Variants in TNRC18 observed in about 807,000 individuals in gnomAD.
TNRC18 encodes trinucleotide repeat-containing gene 18 protein.
Under a neutral mutation model 226.7 loss-of-function variants are expected in TNRC18, and 69 were observed. The ratio of observed to expected loss-of-function variants is 0.30; its 90% CI spans 0.25 to 0.37. The LOEUF (loss-of-function observed/expected upper bound fraction) is 0.37, where lower values mean the gene tolerates loss of function less well. Ranked by LOEUF, TNRC18 falls within the 10% of genes least tolerant of loss-of-function variation. TNRC18 has a pLI of 1.00. For synonymous variants in TNRC18, 2,449 were observed against 1,927.6 expected (o/e 1.27, Z -7.09); for missense variants, 4,754 against 4,256.6 (o/e 1.12, Z -3.25).
rs765430615 is a variant in TNRC18 at position 5,383,957 on chromosome 7, ATTTTTTTTTTT to A, written c.2152+3704_2152+3714del. 7.2e-3 allele frequency among the ~76,000 whole-genome samples: 565 copies of A among 78,826 alleles called. 7 individuals carry two copies. The highest frequency in any genetic ancestry group is 0.029 in the African/African-American group (544 of 18,872). 51.7% of individuals were successfully genotyped at this position (78,826 alleles called of 152,430 possible). A position where few individuals can be genotyped will look rare whatever the true frequency, so the allele number is the denominator to read the frequency against. On this transcript the variant is annotated intron_variant, in intron 5 of 29. Transcript: ENST00000430969. ...ACAGGCACACCAGCATACCCGGGTG[ATTTTTTTTTTT>A]TTTTTTTTTTTTTTGAGATAGAGTT...
intron 19 of TNRC18, among the ~76,000 whole-genome samples, chr7:5,330,817 G>A (rs545204856): frequency 1.3e-5 from 2 of 152,214 alleles, no homozygotes; most frequent in East Asian, 3.9e-4. Context: ...GGGATTACAG[G>A]CACCCGCCAC....
chr7:5,333,092 A>AC lies in TNRC18; in HGVS notation c.5720-44dup, dbSNP rs765216459. 8 of 1,533,772 alleles carry AC rather than the reference A, an allele frequency of 5.2e-6. No homozygotes were observed. In the South Asian group the frequency reaches 9.5e-5, roughly 18 times the overall value. On this transcript the variant is annotated intron_variant, in intron 18 of 29. Coordinates refer to ENST00000430969, the MANE Select transcript of TNRC18 (RefSeq NM_001080495.3). ...GCGTGCTGGTCACAGCCTCGTGGGGACCCCTTCCCTCCCACCCAGCCACAT... is the reference window on the plus strand; with the variant it reads ...GCGTGCTGGTCACAGCCTCGTGGGGACCCCCTTCCCTCCCACCCAGCCACAT...
chr7:5,332,804 T>C lies in TNRC18; in HGVS notation c.5965A>G (p.Ser1989Gly). Residue 1989 changes from serine (S) to glycine (G), a missense_variant, in exon 19 of 30, where the codon AGC becomes GGC. Physicochemically the swap from Ser to Gly is moderately conservative, Grantham distance 56 (BLOSUM62 0). Coordinates refer to ENST00000430969, the MANE Select transcript of TNRC18 (RefSeq NM_001080495.3). The stretch of plus-strand genomic sequence containing the variant: ...CGCCGCGTCCACAGGTCGTCGTCGC[T>C]GGCCTCGGGCCCCGCCTCGAAGCCA... ...EPGFEAGPEA[S>G]DDDLWTRRRS... The C allele has an allele frequency of 1.3e-6, 2 of 1,511,502 alleles. No individual in the cohort carries two copies. The highest frequency in any genetic ancestry group is 2.4e-5 in the South Asian group (2 of 81,656). The allele number at this position is 1,511,502 out of a possible 1,614,324, so 93.6% of individuals were successfully genotyped here.
chr7:5,320,049 G>T (rs6943227), intron 24 of TNRC18: 286,611 of 392,578 alleles, frequency 0.73, 105,606 homozygotes, highest in East Asian at 0.85. Flanking sequence ...AATGATAAGA[G>T]TTCTTAAGAT....
intron 18 of TNRC18, among the ~76,000 whole-genome samples, chr7:5,335,508 G>A (rs1050691862): frequency 7.9e-5 from 12 of 150,962 alleles, no homozygotes; most frequent in Non-Finnish European, 1.8e-4. Context: ...TCAAGAGGCT[G>A]AGGCAGGAAA....
intron 5 of TNRC18, among the ~76,000 whole-genome samples, chr7:5,381,435 A>C (rs1266281374): frequency 6.6e-6 from 1 of 151,928 alleles, no homozygotes; most frequent in Non-Finnish European, 1.5e-5. Flanking sequence ...GACCTCCACC[A>C]TCAGAGCTCA....
At chr7:5,412,841 G>C (rs1168045599) in intron 2 of TNRC18, among the ~76,000 whole-genome samples, 2 of 152,174 alleles carry the variant, frequency 1.3e-5, no homozygotes, top group Non-Finnish European at 2.9e-5. Context: ...CAAATGGTTG[G>C]TGAAGATGTG....
Position 5,388,840 on chromosome 7 carries a change from C to T in TNRC18, c.984G>A (p.Pro328=), listed in dbSNP as rs760464582. The part of the protein sequence containing the change: ...LRRTETLLPG[P]RPCPSPLPPP... ...GGGGCAGCGGTGAGGGGCAGGGGCG[C>T]GGCCCAGGGAGCAGGGTCTCCGTGC... The change falls in exon 5 of 30, where the codon CCG becomes CCA. Residue 328 remains proline (P), a synonymous_variant. Coordinates refer to ENST00000430969, the MANE Select transcript of TNRC18 (RefSeq NM_001080495.3). 1.6e-3 allele frequency: 1,935 copies of T among 1,216,830 alleles called. 14 individuals are homozygous for T. Among genetic ancestry groups the T allele is most frequent in the Admixed American group, 2.7e-3 (57 of 21,102 alleles). 75.4% of individuals were successfully genotyped at this position (1,216,830 alleles called of 1,614,324 possible). A position where few individuals can be genotyped will look rare whatever the true frequency, so the allele number is the denominator to read the frequency against.
At position 5,309,445 on chromosome 7, in the gene TNRC18, T is replaced by G; in HGVS notation, c.8389-77A>C. 7.6e-7 allele frequency: 1 copy of G among 1,321,980 alleles called. No individual in the cohort carries two copies. Among genetic ancestry groups the G allele is most frequent in the South Asian group, 1.4e-5 (1 of 71,652 alleles). 81.9% of individuals were successfully genotyped at this position (1,321,980 alleles called of 1,614,324 possible). A position where few individuals can be genotyped will look rare whatever the true frequency, so the allele number is the denominator to read the frequency against. On this transcript the variant is annotated intron_variant, in intron 27 of 29. Coordinates refer to ENST00000430969, the MANE Select transcript of TNRC18 (RefSeq NM_001080495.3). This position sits in a 1 kb window ranked among gnomAD's most constrained non-coding sequence, Gnocchi z 5.7. The stretch of plus-strand genomic sequence containing the variant: ...CCGCCGCCTGGCAGGCTCTGCCGCT[T>G]GGGACTCTGGGCCCTCGGCCTCTAA...
chr7:5,418,412 G>A (rs1407771151), intron 2 of TNRC18, among the ~76,000 whole-genome samples: 1 of 152,136 alleles, frequency 6.6e-6, no homozygotes, highest in Non-Finnish European at 1.5e-5. Context: ...TCTTCCAGAG[G>A]ACCTTCCACA....
At chr7:5,361,222 C>T (rs1017326251) in intron 14 of TNRC18, among the ~76,000 whole-genome samples, 7 of 152,194 alleles carry the variant, frequency 4.6e-5, no homozygotes, top group African/African-American at 1.2e-4. Flanking sequence ...GAGCGACAGC[C>T]GGGTCATAGC....
At chr7:5,329,379 A>G (rs1247894411) in intron 19 of TNRC18, among the ~76,000 whole-genome samples, 1 of 151,708 alleles carries the variant, frequency 6.6e-6, no homozygotes, top group African/African-American at 2.4e-5. Flanking sequence ...CACAGACTGA[A>G]CTAAGTCTGA....
Position 5,355,622 on chromosome 7 carries a change from A to C in TNRC18, c.5194+1294T>G, listed in dbSNP as rs140773076. On this transcript the variant is annotated intron_variant, in intron 16 of 29. Coordinates refer to ENST00000430969, the MANE Select transcript of TNRC18 (RefSeq NM_001080495.3). ...ATAAATTAGCTGCACGTGGTGGTAC[A>C]CAGCTGTAGTCCCAGATACTCAGGA... 2.8e-3 allele frequency among the ~76,000 whole-genome samples: 432 copies of C among 152,322 alleles called. 5 individuals are homozygous for C. The highest frequency in any genetic ancestry group is 1.0e-2 in the African/African-American group (415 of 41,566).
chr7:5,325,892 C>T (rs1788870904), intron 19 of TNRC18, among the ~76,000 whole-genome samples: 1 of 151,884 alleles, frequency 6.6e-6, no homozygotes, highest in Non-Finnish European at 1.5e-5. Flanking sequence ...CACACCACCA[C>T]ACCCAGCTAA....
At chr7:5,406,645 G>A (rs945248506) in intron 2 of TNRC18, among the ~76,000 whole-genome samples, 2 of 152,046 alleles carry the variant, frequency 1.3e-5, no homozygotes, top group African/African-American at 4.8e-5. Context: ...GAAGTCAGGA[G>A]TTCGACACCA....
In TNRC18 at chr7:5,387,896, G is replaced by T; in HGVS notation, c.1928C>A (p.Pro643His). Residue 643 changes from proline (P) to histidine (H), a missense_variant, in exon 5 of 30, where the codon CCT becomes CAT. Coordinates refer to ENST00000430969, the MANE Select transcript of TNRC18 (RefSeq NM_001080495.3). ...AQARLPHSGG[P>H]AAGGGRQLKR... is the part of the protein sequence containing the mutation. Reference sequence around the variant, plus strand: ...CAGCTGCCGGCCGCCGCCCGCTGCAGGGCCTCCGGAGTGTGGGAGACGGGC... The same window carrying T: ...CAGCTGCCGGCCGCCGCCCGCTGCATGGCCTCCGGAGTGTGGGAGACGGGC... The T allele has an allele frequency of 6.3e-7, 1 of 1,591,598 alleles. No individual in the cohort carries two copies. The highest frequency in any genetic ancestry group is 8.5e-7 in the Non-Finnish European group (1 of 1,170,740).
In TNRC18 at chr7:5,324,551, GCTCAGTACTCGGTGCTCAATA is replaced by G. The variant is rs1276579042; in HGVS notation, c.6301-217_6301-197del. Among the ~76,000 whole-genome samples, 3 of 152,192 alleles carry G rather than the reference GCTCAGTACTCGGTGCTCAATA, an allele frequency of 2.0e-5. No individual in the cohort carries two copies. The highest frequency in any genetic ancestry group is 4.4e-5 in the Non-Finnish European group (3 of 68,036). ...TGGGCCCAAAACCCAGCTGGCCCAT[GCTCAGTACTCGGTGCTCAATA>G]CTCAGTACTCTGTGCTCAGTATCAG... On this transcript the variant is annotated intron_variant, in intron 20 of 29. Coordinates refer to ENST00000430969, the MANE Select transcript of TNRC18 (RefSeq NM_001080495.3). This position sits in a 1 kb window ranked among gnomAD's most constrained non-coding sequence, Gnocchi z 4.8.
chr7:5,366,951 A>G (rs4626500), intron 11 of TNRC18, among the ~76,000 whole-genome samples: 110,653 of 152,126 alleles, frequency 0.73, 41,292 homozygotes, highest in African/African-American at 0.91. Flanking sequence ...ATATGCGAGA[A>G]TCCTAACCCC....
intron 2 of TNRC18, among the ~76,000 whole-genome samples, chr7:5,416,172 T>C (rs999566139): frequency 3.4e-5 from 5 of 149,126 alleles, no homozygotes; most frequent in African/African-American, 9.9e-5. Flanking sequence ...CTCAGCACTT[T>C]GGGAGGCCGA....
Sources: allele counts gnomAD v4.1 joint callset (sites outside exome capture counted in the v4.1 genomes callset), GRCh38; gene constraint gnomAD v4.1.1; non-coding constraint Gnocchi (gnomAD v3.1); transcripts MANE v1.5; gene names NCBI Gene and HGNC (gene_info 2026-07-23, HGNC 2026-07-21).